The following ZNF148 variants were observed in gnomAD, a reference collection of about 807,000 sequenced individuals.
The protein encoded by ZNF148 is zinc finger protein 148, also known as Beta-Enolase Repressor Factor-1.
Under a neutral mutation model 67.7 loss-of-function variants are expected in ZNF148, and 7 were observed. That is an observed-to-expected ratio of 0.10 (90% CI 0.06 to 0.19). The LOEUF (loss-of-function observed/expected upper bound fraction) is 0.19. ZNF148 is among the 10% of genes least tolerant of loss of function. The pLI is 1.00. For missense variants in ZNF148, 583 were observed against 947.1 expected (o/e 0.62, Z 5.05); for synonymous variants, 333 against 330.7 (o/e 1.01, Z -0.08).
intron 1 of ZNF148, among the ~76,000 whole-genome samples, chr3:125,338,659 CAAAAA>C (rs757727396): frequency 3.1e-4 from 16 of 51,192 alleles, no homozygotes; most frequent in South Asian, 1.1e-3. Context: ...GACCCTGTCT[CAAAAA>C]AAAAAAAAAA....
intron 7 of ZNF148, among the ~76,000 whole-genome samples, chr3:125,241,033 C>T (rs1213678692): frequency 2.0e-5 from 3 of 150,558 alleles, no homozygotes; most frequent in African/African-American, 4.9e-5. Flanking sequence ...TTTACTGTAC[C>T]ATCTTTTTTC....
chr3:125,258,907 T>G (rs1206765344), intron 7 of ZNF148, among the ~76,000 whole-genome samples: 1 of 152,136 alleles, frequency 6.6e-6, no homozygotes, highest in African/African-American at 2.4e-5. Context: ...TGCCAAATTT[T>G]TGGTTTTGGA....
intron 1 of ZNF148, among the ~76,000 whole-genome samples, chr3:125,370,731 ACT>A (rs1942852649): frequency 6.6e-6 from 1 of 152,078 alleles, no homozygotes; most frequent in African/African-American, 2.4e-5. Context: ...ATATTTTATG[ACT>A]CTAACCTAAC....
intron 3 of ZNF148, among the ~76,000 whole-genome samples, chr3:125,315,532 C>A (rs577296027): frequency 6.6e-5 from 10 of 151,974 alleles, no homozygotes; most frequent in African/African-American, 2.4e-4. Context: ...CATGGTGAAA[C>A]CCTGTCTCTA....
chr3:125,232,046 T>C lies in ZNF148; in HGVS notation c.*295A>G, dbSNP rs912372459. 3.7e-6 allele frequency: 1 copy of C among 270,876 alleles called. No homozygotes were observed. The highest frequency in any genetic ancestry group is 7.0e-6 in the Non-Finnish European group (1 of 142,936). 16.8% of individuals were successfully genotyped at this position (270,876 alleles called of 1,614,324 possible). A position where few individuals can be genotyped will look rare whatever the true frequency, so the allele number is the denominator to read the frequency against. On this transcript the variant is annotated 3_prime_UTR_variant, in exon 9 of 9. Coordinates refer to ENST00000360647, the MANE Select transcript of ZNF148 (RefSeq NM_021964.3). The surrounding 1 kb of genome is among the most constrained non-coding windows in gnomAD (Gnocchi z 4.2). The stretch of plus-strand genomic sequence containing the variant: ...TACAATGTTATCAGTTAGGAAACAA[T>C]TGTGCGAAAGTCTTTTTTTTTTCCT...
intron 1 of ZNF148, among the ~76,000 whole-genome samples, chr3:125,353,931 G>A (rs555871901): frequency 1.3e-5 from 2 of 152,216 alleles, no homozygotes; most frequent in South Asian, 4.2e-4. Context: ...AAAAAAGAGA[G>A]AGGAGAGAGG....
chr3:125,234,837 T>C, intron 7 of ZNF148, among the ~76,000 whole-genome samples: 1 of 152,274 alleles, frequency 6.6e-6, no homozygotes, highest in Non-Finnish European at 1.5e-5. Flanking sequence ...TTAAGTTTGT[T>C]TATATTTATT....
intron 7 of ZNF148, among the ~76,000 whole-genome samples, chr3:125,234,553 G>A (rs937248532): frequency 1.3e-5 from 2 of 152,120 alleles, no homozygotes; most frequent in Non-Finnish European, 2.9e-5. Context: ...TGTTATGTGC[G>A]TATGTAATAC....
intron 7 of ZNF148, among the ~76,000 whole-genome samples, chr3:125,238,681 G>A (rs1369805075): frequency 6.6e-6 from 1 of 152,168 alleles, no homozygotes; most frequent in Non-Finnish European, 1.5e-5. Context: ...TATGTCTGCT[G>A]TTGGGACTGA....
At chr3:125,243,784 C>T (rs1356840170) in intron 7 of ZNF148, among the ~76,000 whole-genome samples, 2 of 152,122 alleles carry the variant, frequency 1.3e-5, no homozygotes, top group African/African-American at 4.8e-5. Context: ...ACTCAGCCTC[C>T]CAAAGTATTG....
intron 7 of ZNF148, among the ~76,000 whole-genome samples, chr3:125,272,522 A>G (rs1363141020): frequency 1.3e-5 from 2 of 152,214 alleles, no homozygotes; most frequent in East Asian, 1.9e-4. Flanking sequence ...GTTGTAAGAC[A>G]TAATAATAAA....
intron 1 of ZNF148, among the ~76,000 whole-genome samples, chr3:125,353,767 T>TA (rs920418052): frequency 0.012 from 1,817 of 145,598 alleles, 34 homozygotes; most frequent in African/African-American, 0.041. Context: ...GAATAAAGTT[T>TA]AAAAAAAAAA....
At position 125,230,855 on chromosome 3, in the gene ZNF148, ATAAC is replaced by A. The variant is rs1433754163; in HGVS notation, c.*1482_*1485del. On this transcript the variant is annotated 3_prime_UTR_variant, in exon 9 of 9. Transcript: ENST00000360647. ...ATGAAAAAGTTGTAACAAAGAGTCA[ATAAC>A]TAATATAACTTCCAAAAATCAAAAC... 3.3e-5 allele frequency: 5 copies of A among 152,250 alleles called. No individual in the cohort carries two copies. Among genetic ancestry groups the A allele is most frequent in the East Asian group, 3.8e-4 (2 of 5,196 alleles). 9.4% of individuals were successfully genotyped at this position (152,250 alleles called of 1,614,324 possible). A position where few individuals can be genotyped will look rare whatever the true frequency, so the allele number is the denominator to read the frequency against.
chr3:125,317,713 AT>A lies in ZNF148; in HGVS notation c.-16-4058del, dbSNP rs71625788. Among the ~76,000 whole-genome samples, 734 of 134,394 alleles carry A rather than the reference AT, an allele frequency of 5.5e-3. 8 individuals are homozygous for A. The highest frequency in any genetic ancestry group is 0.024 in the Middle Eastern group (6 of 252). 88.2% of individuals were successfully genotyped at this position (134,394 alleles called of 152,430 possible). A position where few individuals can be genotyped will look rare whatever the true frequency, so the allele number is the denominator to read the frequency against. On this transcript the variant is annotated intron_variant, in intron 3 of 8. Coordinates refer to ENST00000360647, the MANE Select transcript of ZNF148 (RefSeq NM_021964.3). ...TACACACACACATATATATATATAT[AT>A]TTTTTTTTTTTTCTGGTAAGAAACT...
intron 7 of ZNF148, among the ~76,000 whole-genome samples, chr3:125,259,388 A>G (rs766527490): frequency 1.3e-5 from 2 of 152,210 alleles, no homozygotes; most frequent in Non-Finnish European, 2.9e-5. Flanking sequence ...CAGAAATCTC[A>G]TAAGATACTG....
intron 7 of ZNF148, among the ~76,000 whole-genome samples, chr3:125,266,954 T>C (rs1020397727): frequency 1.4e-4 from 21 of 151,584 alleles, no homozygotes; most frequent in African/African-American, 4.8e-4. Flanking sequence ...CTAGAGAATA[T>C]AGTTAAATTC....
chr3:125,318,076 A>C (rs998234933), intron 3 of ZNF148, among the ~76,000 whole-genome samples: 1 of 152,166 alleles, frequency 6.6e-6, no homozygotes, highest in South Asian at 2.1e-4. Context: ...AAGTACAAAA[A>C]AAAATACATT....
intron 1 of ZNF148, among the ~76,000 whole-genome samples, chr3:125,341,587 C>T (rs1049161719): frequency 7.3e-5 from 11 of 151,254 alleles, no homozygotes; most frequent in Non-Finnish European, 1.6e-4. Flanking sequence ...CACCACTGCA[C>T]TACTGCCTAG....
At chr3:125,319,253 T>G (rs1179695000) in intron 3 of ZNF148, among the ~76,000 whole-genome samples, 1 of 152,224 alleles carries the variant, frequency 6.6e-6, no homozygotes, top group African/African-American at 2.4e-5. Context: ...AAAACTAAGC[T>G]TTATAGATTT....
Sources: gnomAD v4.1 joint callset for allele counts (sites outside exome capture counted in the v4.1 genomes callset) on GRCh38, gnomAD v4.1.1 for gene constraint, Gnocchi (gnomAD v3.1) non-coding constraint, MANE v1.5 for transcripts, NCBI Gene and HGNC (gene_info 2026-07-23, HGNC 2026-07-21) for gene names.